The following RAB11FIP1 variants were observed in gnomAD, a reference collection of about 807,000 sequenced individuals.
RAB11FIP1 encodes the protein rab11 family-interacting protein 1.
RAB11FIP1 carries 49 observed loss-of-function variants against 83.1 expected under a neutral mutation model. The ratio of observed to expected loss-of-function variants is 0.59; its 90% CI spans 0.47 to 0.75. The LOEUF is 0.75. Among genes scored for constraint, RAB11FIP1 ranks in the 30% least tolerant of loss-of-function variants. The probability of loss-of-function intolerance (pLI) is 0.00; values close to 1 mark genes in which losing one functional copy is unlikely to be tolerated. For synonymous variants in RAB11FIP1, 670 were observed against 656.0 expected (o/e 1.02, Z -0.33); for missense variants, 1,536 against 1,598.7 (o/e 0.96, Z 0.67).
chr8:37,862,917 C>T lies in RAB11FIP1; in HGVS notation c.3830G>A (p.Gly1277Asp). The T allele has an allele frequency of 6.2e-7, 1 of 1,605,692 alleles. No homozygotes were observed. The highest frequency in any genetic ancestry group is 8.5e-7 in the Non-Finnish European group (1 of 1,176,098). Residue 1277 changes from glycine (G) to aspartate (D), a missense_variant, in exon 6 of 6, where the codon GGC becomes GAC. Transcript: ENST00000330843. ...PNILRIPTQV[G>D]KKAGKM is the part of the protein sequence containing the mutation. ...GATTTACATCTTTCCTGCTTTTTTG[C>T]CAACCTGAGTCGGGATGCGGAGGAT...
At chr8:37,894,711 C>CATATAT (rs1008699497) in intron 1 of RAB11FIP1, among the ~76,000 whole-genome samples, 2 of 145,058 alleles carry the variant, frequency 1.4e-5, no homozygotes, top group African/African-American at 5.2e-5. Context: ...CATATATATA[C>CATATAT]ATATATATAT....
chr8:37,899,188 G>T lies in RAB11FIP1; in HGVS notation c.254C>A (p.Ala85Asp). 6.4e-7 allele frequency: 1 copy of T among 1,562,968 alleles called. No homozygotes were observed. The highest frequency in any genetic ancestry group is 8.6e-7 in the Non-Finnish European group (1 of 1,162,526). ...PSLLSSGPAA[A>D]ATLQLTVLHR... is the part of the protein sequence containing the mutation. ...CAGCACGGTGAGCTGCAGGGTGGCG[G>T]CGGCCGCGGGTCCGGAGGACAGCAG... The change falls in exon 1 of 6, where the codon GCC becomes GAC. Residue 85 changes from alanine (A) to aspartate (D), a missense_variant. Transcript: ENST00000330843. This position sits in a 1 kb window ranked among gnomAD's most constrained non-coding sequence, Gnocchi z 4.5.
At chr8:37,874,057 G>T (rs935812164) in intron 3 of RAB11FIP1, among the ~76,000 whole-genome samples, 14 of 152,218 alleles carry the variant, frequency 9.2e-5, no homozygotes, top group Admixed American at 9.2e-4. Flanking sequence ...ACAAAGAACC[G>T]TCACTGTCAC....
rs1469356807 is a variant in RAB11FIP1, at chr8:37,862,881, T to C, written c.*14A>G. The C allele has an allele frequency of 6.3e-7, 1 of 1,599,746 alleles. No individual in the cohort carries two copies. The highest frequency in any genetic ancestry group is 8.6e-7 in the Non-Finnish European group (1 of 1,169,450). ...GAAGTCACAGAAACGTCTCGGTGTT[T>C]TTTTTCTGCTGATTTACATCTTTCC... On this transcript the variant is annotated 3_prime_UTR_variant, in exon 6 of 6. Coordinates refer to ENST00000330843, the MANE Select transcript of RAB11FIP1 (RefSeq NM_001002814.3).
At position 37,899,468 on chromosome 8, in the gene RAB11FIP1, G is replaced by C. The variant is rs769001501; in HGVS notation, c.-27C>G. 43 of 1,490,362 alleles carry C rather than the reference G, an allele frequency of 2.9e-5. No homozygotes were observed. The highest frequency in any genetic ancestry group is 4.8e-5 in the Admixed American group (2 of 41,968). The allele number at this position is 1,490,362 out of a possible 1,614,324, so 92.3% of individuals were successfully genotyped here. A position where few individuals can be genotyped will look rare whatever the true frequency, so the allele number is the denominator to read the frequency against. On this transcript the variant is annotated 5_prime_UTR_variant, in exon 1 of 6. Transcript: ENST00000330843. This position sits in a 1 kb window ranked among gnomAD's most constrained non-coding sequence, Gnocchi z 4.5. ...GTGACGATAACACTCCAGAAGCGAGGAGAAGATCGCCGCGACTGGCGGCCT... is the reference window on the plus strand; with the variant it reads ...GTGACGATAACACTCCAGAAGCGAGCAGAAGATCGCCGCGACTGGCGGCCT...
rs369545313 is a variant in RAB11FIP1, at chr8:37,874,547, C to A, written c.1590G>T (p.Pro530=). ...KSEPRPPISS[P]RAPQTRAVKP... The stretch of plus-strand genomic sequence containing the variant: ...TGACAGCTCTGGTCTGGGGAGCCCT[C>A]GGAGAGGAAATTGGAGGTCTCGGTT... The change falls in exon 3 of 6, where the codon CCG becomes CCT. Residue 530 remains proline (P), a synonymous_variant. Transcript: ENST00000330843. 7.1e-5 allele frequency: 115 copies of A among 1,614,050 alleles called. No individual in the cohort carries two copies. Among genetic ancestry groups the A allele is most frequent in the South Asian group, 4.7e-4 (43 of 91,080 alleles).
intron 5 of RAB11FIP1, among the ~76,000 whole-genome samples, chr8:37,863,713 T>A (rs1305292981): frequency 6.6e-6 from 1 of 152,236 alleles, no homozygotes; most frequent in Non-Finnish European, 1.5e-5. Flanking sequence ...TTTTGTTGTA[T>A]GAACTTTTAA....
intron 1 of RAB11FIP1, 128 bp downstream of exon 1, chr8:37,898,943 A>C (rs1807151800): frequency 3.0e-6 from 3 of 990,570 alleles, no homozygotes. Flanking sequence ...GCACCGGCCG[A>C]GGGCTCCGTC....
chr8:37,872,276 C>T lies in RAB11FIP1; in HGVS notation c.2526G>A (p.Trp842Ter). Reference protein sequence around the residue: ...SSCPQELNPAWSVAGNASDGE... With the variant: ...SSCPQELNPA ...CGTCAGACGCGTTTCCAGCAACAGA[C>T]CATGCAGGGTTCAGCTCCTGGGGAC... The change falls in exon 4 of 6, where the codon TGG (tryptophan) becomes TGA (stop). Residue 842 changes from tryptophan to a stop codon, truncating the protein, a stop_gained. Transcript: ENST00000330843. LOFTEE classifies it high-confidence loss of function. 2 of 1,614,024 alleles carry T rather than the reference C, an allele frequency of 1.2e-6. No individual in the cohort carries two copies.
At chr8:37,863,624 T>C (rs539711629) in intron 5 of RAB11FIP1, among the ~76,000 whole-genome samples, 16 of 152,344 alleles carry the variant, frequency 1.1e-4, no homozygotes, top group African/African-American at 3.8e-4. Context: ...AGATAGCACA[T>C]ATTTGAGCCT....
chr8:37,874,498 G>A lies in RAB11FIP1; in HGVS notation c.1622+17C>T. ...GGCAAGGCAGAAATGCCCTGCACGAGAAGAGCCAAAACTCACCGGGGCTTG... is the reference window on the plus strand; with the variant it reads ...GGCAAGGCAGAAATGCCCTGCACGAAAAGAGCCAAAACTCACCGGGGCTTG... On this transcript the variant is annotated intron_variant, in intron 3 of 5. Coordinates refer to ENST00000330843, the MANE Select transcript of RAB11FIP1 (RefSeq NM_001002814.3). 1 of 1,607,330 alleles carries A rather than the reference G, an allele frequency of 6.2e-7. No homozygotes were observed. Among genetic ancestry groups the A allele is most frequent in the Non-Finnish European group, 8.5e-7 (1 of 1,174,792 alleles).
intron 2 of RAB11FIP1, among the ~76,000 whole-genome samples, chr8:37,876,837 C>T (rs904811603): frequency 6.6e-6 from 1 of 151,752 alleles, no homozygotes; most frequent in Non-Finnish European, 1.5e-5. Flanking sequence ...GACAGGGTTT[C>T]ACCATGTTGC....
chr8:37,888,350 G>A (rs935539318), intron 1 of RAB11FIP1, among the ~76,000 whole-genome samples: 4 of 151,990 alleles, frequency 2.6e-5, no homozygotes, highest in Admixed American at 1.3e-4. Context: ...CAGGTGATCC[G>A]CCCCCTTTGG....
chr8:37,891,731 A>G (rs1219637714), intron 1 of RAB11FIP1, among the ~76,000 whole-genome samples: 1 of 152,128 alleles, frequency 6.6e-6, no homozygotes, highest in Non-Finnish European at 1.5e-5. Context: ...TGGTTCACTT[A>G]CTTGAGAATT....
chr8:37,888,121 T>C (rs891377148), intron 1 of RAB11FIP1, among the ~76,000 whole-genome samples: 2 of 152,252 alleles, frequency 1.3e-5, no homozygotes, highest in African/African-American at 4.8e-5. Context: ...TTTATCTATT[T>C]TTTGAGACGG....
In RAB11FIP1 at chr8:37,874,861, T is replaced by C; in HGVS notation, c.1276A>G (p.Ser426Gly). 6.2e-7 allele frequency: 1 copy of C among 1,614,162 alleles called. No homozygotes were observed. ...GACCTCCTGCTCTCTGGCTTCTTGC[T>C]CTCCTTAGCTTCTTTTGTGGCCTCT... The part of the protein sequence containing the change: ...NSEATKEAKE[S>G]KKPESRRSSL... Residue 426 changes from serine to glycine, a missense_variant, in exon 3 of 6, where the codon AGC becomes GGC. Ser to Gly is a moderately conservative substitution (Grantham distance 56, BLOSUM62 0). Transcript: ENST00000330843.
In RAB11FIP1 at chr8:37,872,285, G is replaced by A; in HGVS notation, c.2517C>T (p.Asn839=). 6.2e-7 allele frequency: 1 copy of A among 1,614,034 alleles called. No individual in the cohort carries two copies. Among genetic ancestry groups the A allele is most frequent in the Non-Finnish European group, 8.5e-7 (1 of 1,179,974 alleles). The change falls in exon 4 of 6, where the codon AAC becomes AAT. Residue 839 remains asparagine, a synonymous_variant. Coordinates refer to ENST00000330843, the MANE Select transcript of RAB11FIP1 (RefSeq NM_001002814.3). ...EGHSSCPQEL[N]PAWSVAGNAS... is the part of the protein sequence containing the mutation. ...CGTTTCCAGCAACAGACCATGCAGG[G>A]TTCAGCTCCTGGGGACAACTGCTGT... is the stretch of plus-strand genomic sequence containing the variant.
chr8:37,878,421 C>T (rs1236716166), intron 1 of RAB11FIP1, among the ~76,000 whole-genome samples: 1 of 150,230 alleles, frequency 6.7e-6, no homozygotes, highest in African/African-American at 2.5e-5. Context: ...GTGGTCCCAG[C>T]TACTCAGGAG....
At chr8:37,864,998 A>G (rs1165713996) in intron 5 of RAB11FIP1, among the ~76,000 whole-genome samples, 2 of 151,452 alleles carry the variant, frequency 1.3e-5, no homozygotes, top group Non-Finnish European at 2.9e-5. Context: ...CTCAAACCCA[A>G]GCTCAAGTGA....
Sources: allele counts gnomAD v4.1 joint callset (sites outside exome capture counted in the v4.1 genomes callset), GRCh38; gene constraint gnomAD v4.1.1; non-coding constraint Gnocchi (gnomAD v3.1); transcripts MANE v1.5; gene names NCBI Gene and HGNC (gene_info 2026-07-23, HGNC 2026-07-21).